UBE2E2: variants seen among roughly 807,000 people sequenced by gnomAD.
The protein encoded by UBE2E2 is ubiquitin-conjugating enzyme E2 E2.
In UBE2E2, 6 loss-of-function variants were observed where a neutral mutation model predicts 24.7. That is an observed-to-expected ratio of 0.24 (90% CI 0.13 to 0.48). The LOEUF (loss-of-function observed/expected upper bound fraction) is 0.48, where lower values mean the gene tolerates loss of function less well. Among genes scored for constraint, UBE2E2 ranks in the 20% least tolerant of loss-of-function variants. The pLI is 0.99. For synonymous variants in UBE2E2, 104 were observed against 83.6 expected, an observed-to-expected ratio of 1.24 and a Z score of -1.33; for missense variants, 169 against 245.0, an observed-to-expected ratio of 0.69 and a Z score of 2.07.
chr3:23,345,015 A>G (rs187159046), intron 3 of UBE2E2, among the ~76,000 whole-genome samples: 3 of 152,260 alleles, frequency 2.0e-5, no homozygotes, highest in Admixed American at 2.0e-4. Context: ...AATGATGGAA[A>G]TATCCTCATG....
At chr3:23,361,107 G>A (rs560157647) in intron 3 of UBE2E2, among the ~76,000 whole-genome samples, 3 of 152,108 alleles carry the variant, frequency 2.0e-5, no homozygotes, top group African/African-American at 4.8e-5. Flanking sequence ...TCGGGAAAAC[G>A]CAAATTAAAA....
intron 3 of UBE2E2, among the ~76,000 whole-genome samples, chr3:23,279,503 A>G (rs1404625702): frequency 6.6e-6 from 1 of 152,198 alleles, no homozygotes; most frequent in Non-Finnish European, 1.5e-5. Context: ...TATAACATAC[A>G]TTCTATATTC....
In UBE2E2 at chr3:23,470,389, C is replaced by A. The variant is rs62253445; in HGVS notation, c.228-29219C>A. On this transcript the variant is annotated intron_variant, in intron 3 of 5. Coordinates refer to ENST00000396703, the MANE Select transcript of UBE2E2 (RefSeq NM_152653.4). ...CCATGGATATGTGGTATATAATATG[C>A]CAGAATGTTTGACCTACCAGGTAGG... Among the ~76,000 whole-genome samples, 689 of 152,258 alleles carry A rather than the reference C, an allele frequency of 4.5e-3. 6 individuals carry two copies. The highest frequency in any genetic ancestry group is 8.0e-3 in the Non-Finnish European group (545 of 68,014).
chr3:23,527,245 G>C lies in UBE2E2; in HGVS notation c.361-5309G>C, dbSNP rs188135397. Among the ~76,000 whole-genome samples the C allele has an allele frequency of 2.0e-3, 304 of 152,278 alleles. 4 individuals are homozygous for C. Among genetic ancestry groups the C allele is most frequent in the African/African-American group, 7.1e-3 (296 of 41,556 alleles). On this transcript the variant is annotated intron_variant, in intron 4 of 5. Coordinates refer to ENST00000396703, the MANE Select transcript of UBE2E2 (RefSeq NM_152653.4). ...AATGGTACAACCACTCTGGGAAGGA[G>C]TATGGCAGGTTATTATAAAACTAAA...
At chr3:23,241,760 C>T (rs1017458606) in intron 3 of UBE2E2, among the ~76,000 whole-genome samples, 1 of 152,170 alleles carries the variant, frequency 6.6e-6, no homozygotes, top group African/African-American at 2.4e-5. Context: ...ATCTGAAAGA[C>T]ACTTACAGTT....
At chr3:23,335,100 T>C (rs1300784873) in intron 3 of UBE2E2, among the ~76,000 whole-genome samples, 1 of 152,238 alleles carries the variant, frequency 6.6e-6, no homozygotes, top group African/African-American at 2.4e-5. Context: ...TCCAGGCATC[T>C]TAATTCTTCT....
chr3:23,301,962 GTTTC>G (rs1699108482), intron 3 of UBE2E2, among the ~76,000 whole-genome samples: 1 of 148,920 alleles, frequency 6.7e-6, no homozygotes, highest in African/African-American at 2.6e-5. Flanking sequence ...TCATTTCTTA[GTTTC>G]TTTGTCTTTA....
chr3:23,560,555 G>T (rs546745883), intron 5 of UBE2E2, among the ~76,000 whole-genome samples: 14 of 152,058 alleles, frequency 9.2e-5, no homozygotes, highest in South Asian at 2.1e-4. Context: ...ATAGCAGCAG[G>T]ATTTATAATC....
In UBE2E2 at chr3:23,361,725, G is replaced by C. The variant is rs144338033; in HGVS notation, c.228-137883G>C. On this transcript the variant is annotated intron_variant, in intron 3 of 5. Transcript: ENST00000396703. Reference sequence around the variant, plus strand: ...AGTTGGGTACAGTGTACATTACTCAGATGGTGGGTGCATTGAAATCTCAGA... The same window carrying C: ...AGTTGGGTACAGTGTACATTACTCACATGGTGGGTGCATTGAAATCTCAGA... 1.4e-4 allele frequency among the ~76,000 whole-genome samples: 22 copies of C among 152,304 alleles called. No homozygotes were observed. The East Asian group carries it at 4.3e-3, about 29-fold the overall frequency.
At chr3:23,580,669 G>T (rs1696455701) in intron 5 of UBE2E2, among the ~76,000 whole-genome samples, 1 of 152,158 alleles carries the variant, frequency 6.6e-6, no homozygotes, top group Non-Finnish European at 1.5e-5. Flanking sequence ...AAACAAATCA[G>T]AGATGGGACA....
intron 5 of UBE2E2, among the ~76,000 whole-genome samples, chr3:23,538,683 A>G (rs533845697): frequency 6.6e-6 from 1 of 152,236 alleles, no homozygotes; most frequent in South Asian, 2.1e-4. Context: ...ATTAAGATGG[A>G]TGAATAAAAT....
intron 1 of UBE2E2, among the ~76,000 whole-genome samples, chr3:23,208,025 T>G (rs1006534675): frequency 3.9e-5 from 6 of 152,140 alleles, no homozygotes. Flanking sequence ...CACTTACCCA[T>G]TTTATTTTTT....
intron 3 of UBE2E2, among the ~76,000 whole-genome samples, chr3:23,334,111 C>T (rs1460203623): frequency 1.3e-5 from 2 of 152,244 alleles, no homozygotes; most frequent in East Asian, 1.9e-4. Context: ...TATGCACTCT[C>T]ATATCTAGTA....
At chr3:23,238,247 G>A (rs1697170772) in intron 3 of UBE2E2, among the ~76,000 whole-genome samples, 1 of 152,134 alleles carries the variant, frequency 6.6e-6, no homozygotes, top group African/African-American at 2.4e-5. Flanking sequence ...AAAGCCTGCT[G>A]AGCACTTTCA....
intron 4 of UBE2E2, among the ~76,000 whole-genome samples, chr3:23,518,270 A>C (rs1694786424): frequency 6.6e-6 from 1 of 152,328 alleles, no homozygotes; most frequent in East Asian, 1.9e-4. Context: ...GATATGGACA[A>C]GTGGGGAATA....
rs187335224 is a variant in UBE2E2 at position 23,210,889 on chromosome 3, A to T, written c.176+2014A>T. Among the ~76,000 whole-genome samples the T allele has an allele frequency of 5.9e-5, 9 of 152,278 alleles. No individual in the cohort carries two copies. The East Asian group carries it at 1.7e-3, about 29-fold the overall frequency. ...TGACAGTGTATGAAATGATGTAATT[A>T]TGTACTATTTATTTTAAATATAAAA... is the stretch of plus-strand genomic sequence containing the variant. On this transcript the variant is annotated intron_variant, in intron 2 of 5. Transcript: ENST00000396703.
At chr3:23,584,255 G>A (rs762213573) in intron 5 of UBE2E2, among the ~76,000 whole-genome samples, 45 of 152,328 alleles carry the variant, frequency 3.0e-4, no homozygotes, top group Non-Finnish European at 5.0e-4. Flanking sequence ...GCATCCCAAA[G>A]TTAAAGTCTA....
intron 3 of UBE2E2, among the ~76,000 whole-genome samples, chr3:23,461,191 G>A (rs1698797759): frequency 6.6e-6 from 1 of 152,096 alleles, no homozygotes; most frequent in Admixed American, 6.5e-5. Context: ...GTTGGAGAAA[G>A]TCTCGGTGAC....
intron 3 of UBE2E2, among the ~76,000 whole-genome samples, chr3:23,318,928 C>T (rs145897212): frequency 6.6e-6 from 1 of 152,298 alleles, no homozygotes; most frequent in African/African-American, 2.4e-5. Context: ...ATTAATTTCT[C>T]TTTACATAGT....
Sources: allele counts gnomAD v4.1 joint callset (sites outside exome capture counted in the v4.1 genomes callset), GRCh38; gene constraint gnomAD v4.1.1; transcripts MANE v1.5; gene names NCBI Gene and HGNC (gene_info 2026-07-23, HGNC 2026-07-21).